Variants in DDC observed in about 807,000 individuals in gnomAD.
DDC encodes dopa decarboxylase.
A neutral mutation model predicts 60.0 loss-of-function variants in DDC; 43 were observed. The observed-to-expected ratio is 0.72, with a 90% confidence interval of 0.56 to 0.92. The LOEUF is 0.92. Among genes scored for constraint, DDC ranks in the 40% least tolerant of loss-of-function variants. The probability of loss-of-function intolerance (pLI) is 0.00; values close to 1 mark genes in which losing one functional copy is unlikely to be tolerated. For synonymous variants in DDC, 232 were observed against 234.6 expected, an observed-to-expected ratio of 0.99 and a Z score of 0.10; for missense variants, 573 against 620.2, an observed-to-expected ratio of 0.92 and a Z score of 0.81.
intron 6 of DDC, among the ~76,000 whole-genome samples, chr7:50,524,418 C>T (rs1454319572): frequency 6.6e-6 from 1 of 152,134 alleles, no homozygotes; most frequent in East Asian, 1.9e-4. Flanking sequence ...TATGTTCTTC[C>T]TACTTATTTT....
intron 1 of DDC, among the ~76,000 whole-genome samples, chr7:50,559,008 T>C (rs1402956538): frequency 6.6e-6 from 1 of 152,186 alleles, no homozygotes; most frequent in Non-Finnish European, 1.5e-5. Flanking sequence ...CTGCCCTCCA[T>C]GCCCCAAGAG....
chr7:50,498,838 G>A lies in DDC; in HGVS notation c.876+310C>T, dbSNP rs149458064. Among the ~76,000 whole-genome samples, 208 of 152,304 alleles carry A rather than the reference G, an allele frequency of 1.4e-3. 1 individual carries two copies. The highest frequency in any genetic ancestry group is 9.4e-3 in the East Asian group (49 of 5,186). ...TTGGTATTTTAAATTACTCTTTTGA[G>A]TTTAAGTTCATTAAGATTTTATTTT... On this transcript the variant is annotated intron_variant, in intron 8 of 14. Coordinates refer to ENST00000444124, the MANE Select transcript of DDC (RefSeq NM_001082971.2).
chr7:50,530,300 A>T (rs1380673394), intron 4 of DDC, among the ~76,000 whole-genome samples: 1 of 152,046 alleles, frequency 6.6e-6, no homozygotes, highest in Non-Finnish European at 1.5e-5. Context: ...GCCCCCAGAC[A>T]TGTGGGTGCA....
intron 7 of DDC, among the ~76,000 whole-genome samples, chr7:50,503,102 T>A (rs2153540410): frequency 6.6e-6 from 1 of 152,334 alleles, no homozygotes; most frequent in Admixed American, 6.5e-5. Flanking sequence ...GTGAGAACTG[T>A]GCTTGGCTTG....
intron 9 of DDC, chr7:50,492,596 C>T: frequency 1.2e-6 from 1 of 839,958 alleles, no homozygotes; most frequent in Non-Finnish European, 1.5e-6. Flanking sequence ...GGGAACTAAC[C>T]CCATCACCCT....
At chr7:50,552,359 C>T (rs910797193) in intron 1 of DDC, among the ~76,000 whole-genome samples, 1 of 152,186 alleles carries the variant, frequency 6.6e-6, no homozygotes, top group Non-Finnish European at 1.5e-5. Flanking sequence ...CAGCTGCACA[C>T]GACACTATTC....
chr7:50,540,199 G>A (rs979712411), intron 2 of DDC, 171 bp from the exon 3 acceptor site: 34 of 660,530 alleles, frequency 5.1e-5, no homozygotes, highest in African/African-American at 8.9e-5. Context: ...CCATTATTTC[G>A]GAGCATTTAC....
chr7:50,496,813 G>T (rs1387304204), intron 8 of DDC, among the ~76,000 whole-genome samples: 1 of 152,184 alleles, frequency 6.6e-6, no homozygotes, highest in Non-Finnish European at 1.5e-5. Flanking sequence ...TGTCTACTTG[G>T]TTTCAGGGAT....
intron 14 of DDC, among the ~76,000 whole-genome samples, chr7:50,462,768 G>C (rs200726231): frequency 4.1e-5 from 4 of 98,364 alleles, no homozygotes; most frequent in Admixed American, 1.2e-4. Flanking sequence ...TCTTCTTCTT[G>C]TTTTTTTTTT....
intron 10 of DDC, among the ~76,000 whole-genome samples, chr7:50,478,626 T>C (rs1014354073): frequency 5.9e-5 from 9 of 152,366 alleles, no homozygotes; most frequent in African/African-American, 2.2e-4. Flanking sequence ...AGAAGCTTCC[T>C]TGCACAATTC....
In DDC at chr7:50,458,746, A is replaced by C. The variant is rs886062370; in HGVS notation, c.*116T>G. On this transcript the variant is annotated 3_prime_UTR_variant, in exon 15 of 15. Transcript: ENST00000444124. ...CCTCTGGATAACTTTGGAGAAAGAC[A>C]TGGGAAGCCACAGACAGCTGAGTTC... The C allele has an allele frequency of 6.6e-6, 1 of 152,184 alleles. No homozygotes were observed. The highest frequency in any genetic ancestry group is 1.5e-5 in the Non-Finnish European group (1 of 68,016). 9.4% of individuals were successfully genotyped at this position (152,184 alleles called of 1,614,324 possible).
intron 11 of DDC, among the ~76,000 whole-genome samples, chr7:50,475,611 G>A (rs1259522576): frequency 2.0e-5 from 3 of 152,130 alleles, no homozygotes; most frequent in East Asian, 3.9e-4. Flanking sequence ...TGCTCCAAAC[G>A]CACTTAGACA....
rs3735274 is a variant in DDC at position 50,528,932 on chromosome 7, G to A, written c.570+276C>T. 0.71 allele frequency among the ~76,000 whole-genome samples: 108,536 copies of A among 151,970 alleles called. 39,105 individuals carry two copies. Among genetic ancestry groups the A allele is most frequent in the East Asian group, 0.8 (4,111 of 5,164 alleles). Reference sequence around the variant, plus strand: ...ATCTAGTTTCTCTGCAATGGTGCTCGGAAGGCCAGATAATCACAACAGAAG... The same window carrying A: ...ATCTAGTTTCTCTGCAATGGTGCTCAGAAGGCCAGATAATCACAACAGAAG... On this transcript the variant is annotated intron_variant, in intron 5 of 14. Transcript: ENST00000444124.
intron 12 of DDC, among the ~76,000 whole-genome samples, chr7:50,468,666 G>T (rs1223916997): frequency 6.6e-6 from 1 of 152,168 alleles, no homozygotes; most frequent in African/African-American, 2.4e-5. Context: ...CAGAGGAGGT[G>T]GCTGGGGACA....
chr7:50,525,123 T>G (rs564549717), intron 6 of DDC, among the ~76,000 whole-genome samples: 23 of 152,340 alleles, frequency 1.5e-4, no homozygotes, highest in Admixed American at 1.5e-3. Flanking sequence ...TATAACATTC[T>G]CAAAATGACA....
chr7:50,521,463 A>C (rs2043887912), intron 6 of DDC, among the ~76,000 whole-genome samples: 1 of 152,212 alleles, frequency 6.6e-6, no homozygotes, highest in Admixed American at 6.5e-5. Context: ...CATTGCAAGA[A>C]GGAAAACTAT....
chr7:50,496,255 T>A (rs1563002609), intron 8 of DDC, among the ~76,000 whole-genome samples: 1 of 152,130 alleles, frequency 6.6e-6, no homozygotes, highest in African/African-American at 2.4e-5. Flanking sequence ...AGCTAATTTT[T>A]AAAATTTTGT....
chr7:50,548,964 A>G (rs1234774786), intron 1 of DDC, among the ~76,000 whole-genome samples: 2 of 152,192 alleles, frequency 1.3e-5, no homozygotes, highest in Non-Finnish European at 2.9e-5. Flanking sequence ...GCCCTTAAAA[A>G]CTATGCCAAA....
intron 1 of DDC, among the ~76,000 whole-genome samples, chr7:50,559,674 C>A (rs367976849): frequency 3.8e-4 from 58 of 152,194 alleles, no homozygotes; most frequent in Non-Finnish European, 7.5e-4. Flanking sequence ...GTGATCCACT[C>A]GCCTCAGCCT....
Sources: allele counts gnomAD v4.1 joint callset (sites outside exome capture counted in the v4.1 genomes callset), GRCh38; gene constraint gnomAD v4.1.1; transcripts MANE v1.5; gene names NCBI Gene and HGNC (gene_info 2026-07-23, HGNC 2026-07-21).